The following MATN2 variants were observed in gnomAD, a reference collection of about 807,000 sequenced individuals.
The protein encoded by MATN2 is matrilin 2, also known as matrilin-2.
Under a neutral mutation model 103.2 loss-of-function variants are expected in MATN2, and 69 were observed. The ratio of observed to expected loss-of-function variants is 0.67; its 90% CI spans 0.55 to 0.82. MATN2 has a LOEUF of 0.82. Among genes scored for constraint, MATN2 ranks in the 40% least tolerant of loss-of-function variants. MATN2 has a pLI of 0.00. For missense variants in MATN2, 1,023 were observed against 1,211.5 expected, an observed-to-expected ratio of 0.84 and a Z score of 2.31; for synonymous variants, 429 against 450.2, an observed-to-expected ratio of 0.95 and a Z score of 0.60.
intron 2 of MATN2, among the ~76,000 whole-genome samples, chr8:97,919,350 A>G (rs1809733913): frequency 1.3e-5 from 2 of 152,128 alleles, no homozygotes; most frequent in South Asian, 4.1e-4. Flanking sequence ...CTCCTGCCTC[A>G]GCCTCCCGAG....
intron 1 of MATN2, among the ~76,000 whole-genome samples, chr8:97,879,004 T>C (rs1818166786): frequency 6.6e-6 from 1 of 152,228 alleles, no homozygotes; most frequent in African/African-American, 2.4e-5. Flanking sequence ...ATTTTGTTAA[T>C]TAATGAAAGA....
At chr8:97,916,236 A>T (rs1222553426) in intron 2 of MATN2, among the ~76,000 whole-genome samples, 1 of 151,836 alleles carries the variant, frequency 6.6e-6, no homozygotes, top group African/African-American at 2.4e-5. Context: ...CACCTGGCTA[A>T]TTTTTGTATT....
chr8:97,872,949 A>G (rs1190766660), intron 1 of MATN2, among the ~76,000 whole-genome samples: 1 of 151,984 alleles, frequency 6.6e-6, no homozygotes, highest in Non-Finnish European at 1.5e-5. Context: ...ATGAGCTACC[A>G]CACCTGGCTA....
At chr8:97,947,158 G>A (rs1045780284) in intron 4 of MATN2, among the ~76,000 whole-genome samples, 6 of 152,158 alleles carry the variant, frequency 3.9e-5, no homozygotes, top group African/African-American at 1.4e-4. Flanking sequence ...TATCACCTGA[G>A]GTCAGGAGTT....
rs535041764 is a variant in MATN2 at position 97,974,313 on chromosome 8, A to G, written c.959-4573A>G. ...ACCATCATACCTGGCTAATTTTTGTATTTTTAGTAGAGATGGGGTTTCACC... is the reference window on the plus strand; with the variant it reads ...ACCATCATACCTGGCTAATTTTTGTGTTTTTAGTAGAGATGGGGTTTCACC... On this transcript the variant is annotated intron_variant, in intron 5 of 18. Transcript: ENST00000254898. Among the ~76,000 whole-genome samples the G allele has an allele frequency of 2.6e-5, 4 of 152,074 alleles. No homozygotes were observed. The South Asian group carries it at 8.3e-4, about 32-fold the overall frequency.
chr8:98,003,683 C>G lies in MATN2; in HGVS notation c.1227C>G (p.Asn409Lys). The change falls in exon 8 of 19, where the codon AAC becomes AAG. Residue 409 changes from asparagine (N) to lysine (K), a missense_variant. Coordinates refer to ENST00000254898, the MANE Select transcript of MATN2 (RefSeq NM_002380.5). ...CAGGGATCAACTACTGTGCACTGAA[C>G]AAACCGGGCTGTGAGCATGAGTGCG... ...TCRRINYCAL[N>K]KPGCEHECVN... 18 of 1,613,830 alleles carry G rather than the reference C, an allele frequency of 1.1e-5. No homozygotes were observed. Among genetic ancestry groups the G allele is most frequent in the Non-Finnish European group, 1.5e-5 (18 of 1,179,804 alleles).
intron 5 of MATN2, among the ~76,000 whole-genome samples, chr8:97,968,634 A>G (rs1811559429): frequency 6.6e-6 from 1 of 152,254 alleles, no homozygotes; most frequent in Non-Finnish European, 1.5e-5. Flanking sequence ...AAGGCATAGA[A>G]TTGGTGACCT....
chr8:97,902,054 G>T (rs1055356250), intron 2 of MATN2, among the ~76,000 whole-genome samples: 11 of 151,812 alleles, frequency 7.2e-5, no homozygotes, highest in Admixed American at 3.3e-4. Flanking sequence ...TAAAAAATAG[G>T]GTCCCACTAT....
rs1283886917 is a variant in MATN2, at chr8:98,005,479, A to G, written c.1328-1626A>G. Among the ~76,000 whole-genome samples the G allele has an allele frequency of 1.3e-5, 2 of 152,152 alleles. No homozygotes were observed. Among genetic ancestry groups the G allele is most frequent in the Non-Finnish European group, 1.5e-5 (1 of 68,016 alleles). On this transcript the variant is annotated intron_variant, in intron 8 of 18. Coordinates refer to ENST00000254898, the MANE Select transcript of MATN2 (RefSeq NM_002380.5). The surrounding 1 kb of genome is among the most constrained non-coding windows in gnomAD (Gnocchi z 4.6). ...TGAGCCCACGCAGATCACCAGGGACATGGCTTGACTGCCCCTCCCAGCATG... is the reference window on the plus strand; with the variant it reads ...TGAGCCCACGCAGATCACCAGGGACGTGGCTTGACTGCCCCTCCCAGCATG...
At chr8:97,966,914 T>A (rs1434525209) in intron 5 of MATN2, among the ~76,000 whole-genome samples, 2 of 152,180 alleles carry the variant, frequency 1.3e-5, no homozygotes, top group Non-Finnish European at 2.9e-5. Context: ...AGAAAAGGTT[T>A]AATTGGCTCA....
intron 7 of MATN2, 148 bp from the exon 8 acceptor site, chr8:98,003,513 C>A (rs12680911): frequency 5.1e-6 from 4 of 784,266 alleles, no homozygotes; most frequent in Non-Finnish European, 8.1e-6. Context: ...GGCTGGCAGA[C>A]AAACGAATGA....
intron 2 of MATN2, among the ~76,000 whole-genome samples, chr8:97,927,375 G>C (rs1199540524): frequency 1.3e-5 from 2 of 151,810 alleles, no homozygotes; most frequent in Non-Finnish European, 2.9e-5. Context: ...GGTCAGGCTG[G>C]TCTTGAACTC....
intron 6 of MATN2, among the ~76,000 whole-genome samples, chr8:97,988,354 G>A (rs60324498): frequency 0.18 from 27,788 of 150,996 alleles, 2,975 homozygotes; most frequent in African/African-American, 0.29. Flanking sequence ...GGCTGGGCAT[G>A]GTGGCTCATA....
intron 2 of MATN2, among the ~76,000 whole-genome samples, chr8:97,920,772 A>G (rs533349842): frequency 1.2e-4 from 18 of 152,238 alleles, no homozygotes; most frequent in Non-Finnish European, 1.8e-4. Context: ...ATTGGGAGTA[A>G]TTGGAAAGTG....
At chr8:97,935,240 C>T (rs1174240343) in intron 3 of MATN2, among the ~76,000 whole-genome samples, 2 of 152,132 alleles carry the variant, frequency 1.3e-5, no homozygotes, top group Non-Finnish European at 2.9e-5. Flanking sequence ...TTTTACACAA[C>T]TGGAAATTGT....
chr8:98,028,338 GA>G (rs1306240175), intron 14 of MATN2, among the ~76,000 whole-genome samples: 2 of 152,142 alleles, frequency 1.3e-5, no homozygotes, highest in Non-Finnish European at 2.9e-5. Flanking sequence ...TAGCTTTTCC[GA>G]AAATCAAATG....
intron 2 of MATN2, among the ~76,000 whole-genome samples, chr8:97,920,518 A>C (rs1473313848): frequency 6.6e-6 from 1 of 152,204 alleles, no homozygotes; most frequent in Non-Finnish European, 1.5e-5. Flanking sequence ...CGATACTAGG[A>C]GTTTAAAGCT....
At chr8:97,894,478 G>A (rs978291811) in intron 2 of MATN2, among the ~76,000 whole-genome samples, 3 of 151,866 alleles carry the variant, frequency 2.0e-5, no homozygotes, top group South Asian at 4.2e-4. Flanking sequence ...GTACTACCAC[G>A]CCCAACTAAT....
intron 2 of MATN2, among the ~76,000 whole-genome samples, chr8:97,919,385 A>G (rs970700714): frequency 6.6e-6 from 1 of 152,120 alleles, no homozygotes; most frequent in Non-Finnish European, 1.5e-5. Flanking sequence ...GGTGCCCGCC[A>G]CCAAGCCTGC....
Sources: gnomAD v4.1 joint callset for allele counts (sites outside exome capture counted in the v4.1 genomes callset) on GRCh38, gnomAD v4.1.1 for gene constraint, Gnocchi (gnomAD v3.1) non-coding constraint, MANE v1.5 for transcripts, NCBI Gene and HGNC (gene_info 2026-07-23, HGNC 2026-07-21) for gene names.